B4GALT4: variants seen among roughly 807,000 people sequenced by gnomAD.
B4GALT4 encodes beta-1,4-galactosyltransferase 4, also known as N-acetyllactosamine synthase.
Under a neutral mutation model 37.3 loss-of-function variants are expected in B4GALT4, and 27 were observed. The ratio of observed to expected loss-of-function variants is 0.72; its 90% CI spans 0.53 to 1.00. B4GALT4 has a LOEUF of 1.00. Ranked by LOEUF, B4GALT4 falls within the 50% of genes least tolerant of loss-of-function variation. The pLI, the probability that B4GALT4 is intolerant of heterozygous loss-of-function variation, is 0.00. For synonymous variants in B4GALT4, 148 were observed against 154.1 expected, an observed-to-expected ratio of 0.96 and a Z score of 0.29; for missense variants, 372 against 413.1, an observed-to-expected ratio of 0.90 and a Z score of 0.86.
At chr3:119,220,168 A>T (rs2078407989) in intron 5 of B4GALT4, among the ~76,000 whole-genome samples, 1 of 152,226 alleles carries the variant, frequency 6.6e-6, no homozygotes, top group Non-Finnish European at 1.5e-5. Flanking sequence ...TGCAGCCTAT[A>T]ATAAAACAAA....
chr3:119,226,706 A>T, intron 4 of B4GALT4, 103 bp downstream of exon 4: 2 of 930,674 alleles, frequency 2.1e-6, no homozygotes, highest in Admixed American at 2.5e-5. Flanking sequence ...TTTTGATGAT[A>T]GTCTGATGTT....
intron 2 of B4GALT4, among the ~76,000 whole-genome samples, chr3:119,233,356 C>T: frequency 6.6e-6 from 1 of 152,128 alleles, no homozygotes; most frequent in East Asian, 1.9e-4. Context: ...TAAAACTGTC[C>T]TAAAAAATAC....
Position 119,233,322 on chromosome 3 carries a change from T to G in B4GALT4, c.-145-3078A>C, listed in dbSNP as rs568733719. 8.5e-5 allele frequency among the ~76,000 whole-genome samples: 13 copies of G among 152,362 alleles called. No individual in the cohort carries two copies. The East Asian group carries it at 2.5e-3, about 29-fold the overall frequency. On this transcript the variant is annotated intron_variant, in intron 2 of 7. Transcript: ENST00000393765. ...GGGGTACATGGGAAATCTCTGTATC[T>G]TCTGCTCAGTTTGGTTAAGAATCTA... is the stretch of plus-strand genomic sequence containing the variant.
At position 119,229,911 on chromosome 3, in the gene B4GALT4, CAG is replaced by C. The variant is rs1472281210; in HGVS notation, c.187_188del (p.Leu63AspfsTer2). ...CCTTCTTCGTGGATGCTTCATTAGT[CAG>C]AGTTTTTCCCTTCCCCAAAATGAGG... ...KTLILGKGKT[L>X]TNEASTKKVE... On this transcript the variant is annotated frameshift_variant, in exon 3 of 8. Transcript: ENST00000393765. LOFTEE classifies it high-confidence loss of function. 5 of 1,614,026 alleles carry C rather than the reference CAG, an allele frequency of 3.1e-6. No individual in the cohort carries two copies. The highest frequency in any genetic ancestry group is 1.1e-5 in the South Asian group (1 of 91,084).
chr3:119,222,423 C>G (rs62263551), intron 5 of B4GALT4, among the ~76,000 whole-genome samples: 4 of 151,910 alleles, frequency 2.6e-5, no homozygotes, highest in Non-Finnish European at 5.9e-5. Context: ...CCCTCTGGAT[C>G]CACAGCCCCC....
In B4GALT4 at chr3:119,212,216, A is replaced by G. The variant is rs937120901; in HGVS notation, c.*333T>C. On this transcript the variant is annotated 3_prime_UTR_variant, in exon 8 of 8. Coordinates refer to ENST00000393765, the MANE Select transcript of B4GALT4 (RefSeq NM_003778.4). Reference sequence around the variant, plus strand: ...TTCCTGTGGCCTTTTATCCCATAATATATTACTTCAAATTTAAATAAATCT... The same window carrying G: ...TTCCTGTGGCCTTTTATCCCATAATGTATTACTTCAAATTTAAATAAATCT... 8.5e-6 allele frequency: 6 copies of G among 702,856 alleles called. No homozygotes were observed. Among genetic ancestry groups the G allele is most frequent in the African/African-American group, 5.2e-5 (3 of 57,256 alleles). 43.5% of individuals were successfully genotyped at this position (702,856 alleles called of 1,614,324 possible).
chr3:119,214,489 G>A (rs1388281715), intron 7 of B4GALT4: 1 of 152,190 alleles, frequency 6.6e-6, no homozygotes, highest in Non-Finnish European at 1.5e-5. Flanking sequence ...TCACAGCAGA[G>A]CACAGGGAGG....
intron 3 of B4GALT4, 76 bp downstream of exon 3, chr3:119,229,771 G>A: frequency 6.8e-7 from 1 of 1,466,310 alleles, no homozygotes; most frequent in Non-Finnish European, 9.2e-7. Flanking sequence ...GAGATGTTTT[G>A]ATACAGGCAA....
chr3:119,214,272 A>C (rs1185868578), intron 7 of B4GALT4: 1 of 152,208 alleles, frequency 6.6e-6, no homozygotes, highest in Non-Finnish European at 1.5e-5. Context: ...GGCTAAAAGC[A>C]CTTTAATATT....
rs2078181783 is a variant in B4GALT4 at position 119,212,367 on chromosome 3, T to C, written c.*182A>G. On this transcript the variant is annotated 3_prime_UTR_variant, in exon 8 of 8. Transcript: ENST00000393765. ...ATCAAAATGACTAAGAAAGCTGTCT[T>C]GTTACAACTGTTTTATACTCTACAT... The C allele has an allele frequency of 1.5e-6, 1 of 648,382 alleles. No homozygotes were observed. The highest frequency in any genetic ancestry group is 2.7e-5 in the East Asian group (1 of 36,870). The allele number at this position is 648,382 out of a possible 1,614,324, so 40.2% of individuals were successfully genotyped here.
rs374995502 is a variant in B4GALT4, at chr3:119,226,824, G to C, written c.471C>G (p.Ile157Met). ...CCACGCTCACCTGGTGGATGACGTAGATGCCATAATCCAGCTGCTGCCTCT... is the reference window on the plus strand; with the variant it reads ...CCACGCTCACCTGGTGGATGACGTACATGCCATAATCCAGCTGCTGCCTCT... ...FLQRQQLDYG[I>M]YVIHQAEGKK... The change falls in exon 4 of 8, where the codon ATC becomes ATG. Residue 157 changes from isoleucine to methionine, a missense_variant. Transcript: ENST00000393765. 30 of 1,613,542 alleles carry C rather than the reference G, an allele frequency of 1.9e-5. No individual in the cohort carries two copies. The highest frequency in any genetic ancestry group is 2.7e-5 in the African/African-American group (2 of 74,912).
At position 119,224,203 on chromosome 3, in the gene B4GALT4, C is replaced by A; in HGVS notation, c.529G>T (p.Gly177Cys). 4 of 1,612,644 alleles carry A rather than the reference C, an allele frequency of 2.5e-6. No homozygotes were observed. Among genetic ancestry groups the A allele is most frequent in the Non-Finnish European group, 3.4e-6 (4 of 1,179,486 alleles). ...TCTTCCTTGAGGGCTTCTAGATAGC[C>A]CACATTCAAGAGTTTGGCTCGATTA... ...KFNRAKLLNVGYLEALKEENW... is the reference protein window; with the variant it reads ...KFNRAKLLNVCYLEALKEENW... Residue 177 changes from glycine to cysteine, a missense_variant, in exon 5 of 8, where the codon GGC becomes TGC. Coordinates refer to ENST00000393765, the MANE Select transcript of B4GALT4 (RefSeq NM_003778.4).
Position 119,212,607 on chromosome 3 carries a change from G to T in B4GALT4, c.977C>A (p.Ser326Tyr). The change falls in exon 8 of 8, where the codon TCT becomes TAT. Residue 326 changes from serine to tyrosine, a missense_variant. Physicochemically the swap from Ser to Tyr is moderately radical, Grantham distance 144 (BLOSUM62 -2). Coordinates refer to ENST00000393765, the MANE Select transcript of B4GALT4 (RefSeq NM_003778.4). ...GLSSCSYKLV[S>Y]VEHNPLYINI... ...GATATATAAAGGATTGTGTTCCACA[G>T]ATACTAATTTATAAGAACAACTACT... The T allele has an allele frequency of 6.2e-7, 1 of 1,613,322 alleles. No individual in the cohort carries two copies. The highest frequency in any genetic ancestry group is 8.5e-7 in the Non-Finnish European group (1 of 1,179,654).
chr3:119,218,141 G>A (rs1005673112), intron 6 of B4GALT4, among the ~76,000 whole-genome samples: 1 of 152,086 alleles, frequency 6.6e-6, no homozygotes, highest in African/African-American at 2.4e-5. Context: ...TCAGGCCTGG[G>A]GTCAGGCCAC....
chr3:119,237,685 T>C (rs1576947565), intron 1 of B4GALT4, among the ~76,000 whole-genome samples: 1 of 152,172 alleles, frequency 6.6e-6, no homozygotes, highest in East Asian at 1.9e-4. Context: ...GGAAAAGCAG[T>C]AAGAAGATAT....
At position 119,212,641 on chromosome 3, in the gene B4GALT4, C is replaced by G. The variant is rs778930636; in HGVS notation, c.943G>C (p.Asp315His). ...TTATAAGAACAACTACTCAACCCAT[C>G]TGTTCTCCAGACTCGTGACACTTGG... ...LHQVSRVWRT[D>H]GLSSCSYKLV... The change falls in exon 8 of 8, where the codon GAT becomes CAT. Residue 315 changes from aspartate (D) to histidine (H), a missense_variant. Coordinates refer to ENST00000393765, the MANE Select transcript of B4GALT4 (RefSeq NM_003778.4). The G allele has an allele frequency of 6.2e-7, 1 of 1,612,502 alleles. No individual in the cohort carries two copies. Among genetic ancestry groups the G allele is most frequent in the Non-Finnish European group, 8.5e-7 (1 of 1,179,424 alleles).
At chr3:119,240,179 A>G (rs1480794381) in intron 1 of B4GALT4, 3 of 151,186 alleles carry the variant, frequency 2.0e-5, no homozygotes, top group Non-Finnish European at 2.9e-5. Context: ...GTTGATAACT[A>G]CTCTCCTAAG....
intron 3 of B4GALT4, among the ~76,000 whole-genome samples, chr3:119,227,347 A>G (rs1024623444): frequency 5.3e-5 from 8 of 152,152 alleles, no homozygotes; most frequent in African/African-American, 1.9e-4. Context: ...CTCTGGTAAG[A>G]GCAAAGGGCA....
chr3:119,238,067 G>A lies in B4GALT4; in HGVS notation c.-363-997C>T, dbSNP rs1012869306. Among the ~76,000 whole-genome samples, 7 of 152,074 alleles carry A rather than the reference G, an allele frequency of 4.6e-5. No homozygotes were observed. The East Asian group carries it at 7.7e-4, about 17-fold the overall frequency. The stretch of plus-strand genomic sequence containing the variant: ...GGATCACTTGAGGCCAGGAGTTCAA[G>A]ACCAGTTTGGCCAACATGTTGAAAC... On this transcript the variant is annotated intron_variant, in intron 1 of 7. Coordinates refer to ENST00000393765, the MANE Select transcript of B4GALT4 (RefSeq NM_003778.4).
Sources: gnomAD v4.1 joint callset for allele counts (sites outside exome capture counted in the v4.1 genomes callset) on GRCh38, gnomAD v4.1.1 for gene constraint, MANE v1.5 for transcripts, NCBI Gene and HGNC (gene_info 2026-07-23, HGNC 2026-07-21) for gene names.